Variants in ZFHX3 observed in about 807,000 individuals in gnomAD.
The protein encoded by ZFHX3 is zinc finger homeobox protein 3.
ZFHX3 carries 42 observed loss-of-function variants against 279.1 expected under a neutral mutation model. The ratio of observed to expected loss-of-function variants is 0.15; its 90% confidence interval spans 0.12 to 0.19. The LOEUF (loss-of-function observed/expected upper bound fraction) is 0.19. ZFHX3 is among the 10% of genes least tolerant of loss of function. The pLI is 1.00. For synonymous variants in ZFHX3, 2,293 were observed against 1,957.8 expected (o/e 1.17, Z -4.52); for missense variants, 4,981 against 4,754.0 (o/e 1.05, Z -1.40).
At chr16:73,270,863 T>C (rs368753897) in intron 4 of ZFHX3, among the ~76,000 whole-genome samples, 1 of 152,194 alleles carries the variant, frequency 6.6e-6, no homozygotes, top group African/African-American at 2.4e-5. Context: ...GTTCTAGGTA[T>C]GGAGGGGAAG....
intron 2 of ZFHX3, among the ~76,000 whole-genome samples, chr16:73,511,085 C>T (rs925317254): frequency 6.6e-6 from 1 of 152,236 alleles, no homozygotes; most frequent in African/African-American, 2.4e-5. Flanking sequence ...ACCTGTTCTG[C>T]ATTCAGGCAT....
At chr16:73,547,349 G>C (rs2020136386) in intron 2 of ZFHX3, among the ~76,000 whole-genome samples, 1 of 152,166 alleles carries the variant, frequency 6.6e-6, no homozygotes, top group African/African-American at 2.4e-5. Flanking sequence ...CTAATAAAAA[G>C]AAAGTAATAC....
chr16:72,884,766 G>A (rs939450204), intron 4 of ZFHX3, among the ~76,000 whole-genome samples: 1 of 152,106 alleles, frequency 6.6e-6, no homozygotes, highest in African/African-American at 2.4e-5. Flanking sequence ...AGCAAACAGG[G>A]AAGCTGATCC....
intron 4 of ZFHX3, among the ~76,000 whole-genome samples, chr16:73,259,229 G>A (rs937923398): frequency 2.0e-5 from 3 of 152,200 alleles, no homozygotes; most frequent in African/African-American, 4.8e-5. Flanking sequence ...GTTGCAGGAT[G>A]TGCATGTCTT....
At chr16:73,105,431 A>G (rs1258233908) in intron 7 of ZFHX3, among the ~76,000 whole-genome samples, 6 of 91,532 alleles carry the variant, frequency 6.6e-5, no homozygotes. Context: ...ATATATATAT[A>G]TACACACACA....
intron 1 of ZFHX3, among the ~76,000 whole-genome samples, chr16:72,979,692 T>C (rs1053187159): frequency 8.5e-5 from 13 of 152,186 alleles, no homozygotes; most frequent in Non-Finnish European, 1.5e-4. Context: ...CACACAGTTA[T>C]TTATTGATCC....
chr16:72,827,331 C>T (rs11649334), intron 5 of ZFHX3, among the ~76,000 whole-genome samples: 7 of 152,118 alleles, frequency 4.6e-5, no homozygotes, highest in Non-Finnish European at 8.8e-5. Context: ...AAGCACTGTT[C>T]GGAGCTTCCC....
intron 1 of ZFHX3, among the ~76,000 whole-genome samples, chr16:73,859,739 GT>G (rs2142388574): frequency 6.6e-6 from 1 of 152,326 alleles, no homozygotes; most frequent in South Asian, 2.1e-4. Context: ...AAGGTGAAAA[GT>G]TGACCAAAAT....
chr16:72,880,122 G>A (rs1381368526), intron 4 of ZFHX3, among the ~76,000 whole-genome samples: 2 of 152,168 alleles, frequency 1.3e-5, no homozygotes, highest in African/African-American at 4.8e-5. Context: ...AGGCCTGGTG[G>A]GCGCTGACAG....
chr16:72,788,169 CTGCTGGTAT>C lies in ZFHX3; in HGVS notation c.10098_10106del (p.Tyr3367_Gln3369del), dbSNP rs1190549910. On this transcript the variant is annotated inframe_deletion, in exon 10 of 10. Transcript: ENST00000268489. ...GCTGCTGAATTGCCTCCTGCAGACTCTGCTGGTATTGCTGGTACTGCTGCAGTAGGGAGC... is the reference window on the plus strand; with the variant it reads ...GCTGCTGAATTGCCTCCTGCAGACTCTGCTGGTACTGCTGCAGTAGGGAGC... The C allele has an allele frequency of 3.7e-5, 60 of 1,612,388 alleles. No homozygotes were observed. Among genetic ancestry groups the C allele is most frequent in the Non-Finnish European group, 4.9e-5 (58 of 1,179,434 alleles).
intron 1 of ZFHX3, chr16:73,015,519 T>A (rs1363237013): frequency 6.6e-6 from 1 of 152,232 alleles, no homozygotes; most frequent in Non-Finnish European, 1.5e-5. Context: ...GTTTATTTTA[T>A]CTAATAGGAG....
chr16:73,590,529 C>T (rs907447662), intron 2 of ZFHX3, among the ~76,000 whole-genome samples: 1 of 152,162 alleles, frequency 6.6e-6, no homozygotes, highest in Non-Finnish European at 1.5e-5. Context: ...CACACTGAAA[C>T]ACATCAATAT....
At chr16:73,686,614 G>C (rs2053087127) in intron 1 of ZFHX3, among the ~76,000 whole-genome samples, 1 of 152,108 alleles carries the variant, frequency 6.6e-6, no homozygotes, top group African/African-American at 2.4e-5. Context: ...GTCCATAATT[G>C]TCTCAGCCTC....
intron 3 of ZFHX3, among the ~76,000 whole-genome samples, chr16:73,395,731 T>C (rs2017113988): frequency 6.6e-6 from 1 of 152,100 alleles, no homozygotes; most frequent in African/African-American, 2.4e-5. Flanking sequence ...TGCCTAATAC[T>C]TTAAAAAGGC....
chr16:73,719,996 A>G (rs1251181336), intron 1 of ZFHX3, among the ~76,000 whole-genome samples: 3 of 152,268 alleles, frequency 2.0e-5, no homozygotes, highest in Non-Finnish European at 4.4e-5. Context: ...CCATGTAATA[A>G]ATATCTGTGA....
intron 1 of ZFHX3, among the ~76,000 whole-genome samples, chr16:73,849,841 T>C (rs1012185998): frequency 6.6e-6 from 1 of 152,224 alleles, no homozygotes; most frequent in Non-Finnish European, 1.5e-5. Context: ...CAAGCGGTTC[T>C]CCTGCCTCAG....
rs1387310499 is a variant in ZFHX3, at chr16:73,031,468, T to C, written c.-50+16284A>G. On this transcript the variant is annotated intron_variant, in intron 1 of 9. Coordinates refer to ENST00000268489, the MANE Select transcript of ZFHX3 (RefSeq NM_006885.4). ...AGGCCAAAGGGAAAAGCGATTTTCC[T>C]TGGTTTGGAGGAACCACAACCTGCT... Among the ~76,000 whole-genome samples, 8 of 152,346 alleles carry C rather than the reference T, an allele frequency of 5.3e-5. No individual in the cohort carries two copies. In the South Asian group the frequency reaches 1.2e-3, roughly 24 times the overall value.
At chr16:72,810,646 A>T (rs1459351609) in intron 7 of ZFHX3, among the ~76,000 whole-genome samples, 1 of 152,224 alleles carries the variant, frequency 6.6e-6, no homozygotes, top group Admixed American at 6.5e-5. Context: ...CAAAATCTGC[A>T]GTTGTAGCAA....
chr16:73,439,931 A>AAC (rs2018059995), intron 3 of ZFHX3, among the ~76,000 whole-genome samples: 2 of 122,042 alleles, frequency 1.6e-5, no homozygotes, highest in African/African-American at 3.7e-5. Flanking sequence ...AAAAAAAAAA[A>AAC]ACACAAAAAA....
Sources: gnomAD v4.1 joint callset for allele counts (sites outside exome capture counted in the v4.1 genomes callset) on GRCh38, gnomAD v4.1.1 for gene constraint, MANE v1.5 for transcripts, NCBI Gene and HGNC (gene_info 2026-07-23, HGNC 2026-07-21) for gene names.